MTMR1: variants seen among roughly 807,000 people sequenced by gnomAD.
MTMR1 encodes the protein phosphatidylinositol-3-phosphate phosphatase MTMR1.
In MTMR1, 17 loss-of-function variants were observed where a neutral mutation model predicts 51.6. The ratio of observed to expected loss-of-function variants is 0.33; its 90% confidence interval spans 0.23 to 0.49. The LOEUF (loss-of-function observed/expected upper bound fraction) is 0.49, where lower values mean the gene tolerates loss of function less well. Among genes scored for constraint, MTMR1 ranks in the 20% least tolerant of loss-of-function variants. The pLI is 0.99. For synonymous variants in MTMR1, 201 were observed against 205.6 expected, an observed-to-expected ratio of 0.98 and a Z score of 0.19; for missense variants, 386 against 526.9, an observed-to-expected ratio of 0.73 and a Z score of 2.62.
chrX:150,702,068 TTTC>T (rs371722671), intron 2 of MTMR1, among the ~76,000 whole-genome samples: 5 of 106,154 alleles, frequency 4.7e-5, no homozygotes, highest in South Asian at 4.5e-4. Flanking sequence ...TTTTCTTCTT[TTTC>T]TTCTTCTTCT....
At chrX:150,737,791 G>T (rs1355599219) in intron 12 of MTMR1, among the ~76,000 whole-genome samples, 1 of 111,862 alleles carries the variant, frequency 8.9e-6, no homozygotes, top group Non-Finnish European at 1.9e-5. Flanking sequence ...CTCTGGCCAG[G>T]CGCGGTGGCT....
intron 4 of MTMR1, among the ~76,000 whole-genome samples, chrX:150,724,232 C>T (rs1603250298): frequency 1.8e-5 from 2 of 110,888 alleles, no homozygotes; most frequent in East Asian, 2.8e-4. Flanking sequence ...TCTGCAACCT[C>T]ATCATCTCTT....
At chrX:150,715,635 A>AT (rs2041484443) in intron 3 of MTMR1, among the ~76,000 whole-genome samples, 1 of 112,346 alleles carries the variant, frequency 8.9e-6, no homozygotes, top group Non-Finnish European at 1.9e-5. Flanking sequence ...TATACTCACC[A>AT]AAGCAAACAA....
At chrX:150,710,521 C>T (rs1371163917) in intron 2 of MTMR1, among the ~76,000 whole-genome samples, 1 of 110,818 alleles carries the variant, frequency 9.0e-6, no homozygotes, top group African/African-American at 3.3e-5. Context: ...CCACCAAGCC[C>T]GGCTAATGTT....
chrX:150,712,326 G>A lies in MTMR1; in HGVS notation c.253-16G>A, dbSNP rs1316498117. On this transcript the variant is annotated splice_polypyrimidine_tract_variant and intron_variant, in intron 2 of 15. Transcript: ENST00000445323. ...AACATGTCCATGATGATGATATTCT[G>A]TATTTTAACTAACAGGTTTTCAGGA... The A allele has an allele frequency of 1.7e-6, 2 of 1,160,899 alleles. No individual in the cohort carries two copies. Among genetic ancestry groups the A allele is most frequent in the Non-Finnish European group, 2.3e-6 (2 of 869,329 alleles).
chrX:150,701,122 G>T (rs2148552310), intron 2 of MTMR1, among the ~76,000 whole-genome samples: 1 of 112,090 alleles, frequency 8.9e-6, no homozygotes, highest in Non-Finnish European at 1.9e-5. Context: ...AATTGTCTTT[G>T]TTATATTTGC....
At chrX:150,741,767 A>G (rs782695912) in intron 12 of MTMR1, among the ~76,000 whole-genome samples, 1 of 112,578 alleles carries the variant, frequency 8.9e-6, no homozygotes, top group African/African-American at 3.2e-5. Flanking sequence ...CTGTTGAAAG[A>G]ATGATCCTAA....
intron 2 of MTMR1, among the ~76,000 whole-genome samples, chrX:150,702,187 G>T (rs2040939304): frequency 9.4e-6 from 1 of 106,225 alleles, no homozygotes; most frequent in Admixed American, 1.0e-4. Flanking sequence ...CTCCCAAAAT[G>T]CTGGGATTAG....
chrX:150,748,015 A>G (rs1264961821), intron 13 of MTMR1, among the ~76,000 whole-genome samples: 1 of 111,887 alleles, frequency 8.9e-6, no homozygotes, highest in Non-Finnish European at 1.9e-5. Context: ...CAGCAGATTC[A>G]GTGTCTGGTG....
In MTMR1 at chrX:150,693,631, G is replaced by T; in HGVS notation, c.101G>T (p.Gly34Val). The change falls in exon 1 of 16, where the codon GGC (glycine) becomes GTC (valine). Residue 34 changes from glycine (G) to valine (V), a missense_variant. Gly to Val is a moderately radical substitution (Grantham distance 109). Transcript: ENST00000445323. ...AGGAGGCCTCCTCGGGCCGCGGGGG[G>T]CGCCACCGCCGGCTCCCGGCAGCCC... Reference protein sequence around the residue: ...GGRRPPRAAGGATAGSRQPSV... With the variant: ...GGRRPPRAAGVATAGSRQPSV... The T allele has an allele frequency of 1.3e-6, 1 of 756,929 alleles. No individual in the cohort carries two copies. The highest frequency in any genetic ancestry group is 1.6e-6 in the Non-Finnish European group (1 of 641,939). The allele number at this position is 756,929 out of a possible 1,213,427, so 62.4% of individuals were successfully genotyped here. A position where few individuals can be genotyped will look rare whatever the true frequency, so the allele number is the denominator to read the frequency against.
intron 1 of MTMR1, among the ~76,000 whole-genome samples, chrX:150,694,789 C>T (rs781819277): frequency 8.9e-6 from 1 of 112,372 alleles, no homozygotes; most frequent in Non-Finnish European, 1.9e-5. Context: ...CAGAGAATAG[C>T]ACAACACGGC....
chrX:150,713,916 TACACACAC>T (rs55969414), intron 3 of MTMR1, among the ~76,000 whole-genome samples: 3 of 104,176 alleles, frequency 2.9e-5, no homozygotes, highest in East Asian at 3.0e-4. Flanking sequence ...TATGTGTGTA[TACACACAC>T]ACACACACAC....
intron 9 of MTMR1, among the ~76,000 whole-genome samples, chrX:150,732,177 C>T (rs931287334): frequency 9.0e-6 from 1 of 111,534 alleles, no homozygotes; most frequent in Non-Finnish European, 1.9e-5. Context: ...TACCCTGCCA[C>T]GTATATTATT....
At chrX:150,709,032 C>T (rs782081159) in intron 2 of MTMR1, among the ~76,000 whole-genome samples, 3 of 111,758 alleles carry the variant, frequency 2.7e-5, no homozygotes, top group African/African-American at 6.5e-5. Flanking sequence ...CCGAATCCTT[C>T]GGAGTTGGGA....
intron 15 of MTMR1, among the ~76,000 whole-genome samples, chrX:150,759,506 C>A (rs1448076833): frequency 1.0e-5 from 1 of 99,987 alleles, no homozygotes; most frequent in Admixed American, 1.0e-4. Flanking sequence ...CTGCAGGAGA[C>A]CCCCGTACCC....
In MTMR1 at chrX:150,718,697, A is replaced by G. The variant is rs1330975577; in HGVS notation, c.349A>G (p.Ile117Val). Reference protein sequence around the residue: ...PLFPGESIKAIVKDVMYICPF... With the variant: ...PLFPGESIKAVVKDVMYICPF... ...TTTCCCAGGAGAATCAATTAAAGCC[A>G]TTGGTAAGTTTAGTGTGTACACTTC... The change falls in exon 4 of 16, where the codon ATT becomes GTT. Residue 117 changes from isoleucine (I) to valine (V), a missense_variant. Physicochemically the swap from Ile to Val is conservative, Grantham distance 29. Coordinates refer to ENST00000445323, the MANE Select transcript of MTMR1 (RefSeq NM_001306144.3). 4 of 1,178,306 alleles carry G rather than the reference A, an allele frequency of 3.4e-6. No homozygotes were observed. The highest frequency in any genetic ancestry group is 4.5e-6 in the Non-Finnish European group (4 of 881,814).
intron 1 of MTMR1, among the ~76,000 whole-genome samples, chrX:150,695,358 T>C (rs1030479287): frequency 1.8e-5 from 2 of 111,354 alleles, no homozygotes; most frequent in Non-Finnish European, 3.8e-5. Flanking sequence ...ATGTGGACAA[T>C]AGAGTGAAAG....
intron 4 of MTMR1, among the ~76,000 whole-genome samples, chrX:150,721,913 T>A (rs1371514904): frequency 8.9e-6 from 1 of 111,927 alleles, no homozygotes; most frequent in Admixed American, 9.5e-5. Context: ...ACTGCTACTT[T>A]AGCAGCATTT....
chrX:150,731,033 A>G (rs2042102249), intron 8 of MTMR1, among the ~76,000 whole-genome samples: 1 of 112,017 alleles, frequency 8.9e-6, no homozygotes, highest in African/African-American at 3.2e-5. Flanking sequence ...TTATTCCACT[A>G]AGATCTTATT....
Sources: gnomAD v4.1 joint callset for allele counts (sites outside exome capture counted in the v4.1 genomes callset) on GRCh38, gnomAD v4.1.1 for gene constraint, MANE v1.5 for transcripts, NCBI Gene and HGNC (gene_info 2026-07-23, HGNC 2026-07-21) for gene names.